ADAMTS17: variants seen among roughly 807,000 people sequenced by gnomAD.
ADAMTS17 encodes A disintegrin and metalloproteinase with thrombospondin motifs 17.
A neutral mutation model predicts 141.5 loss-of-function variants in ADAMTS17; 113 were observed. The ratio of observed to expected loss-of-function variants is 0.80; its 90% CI spans 0.69 to 0.93. The LOEUF (loss-of-function observed/expected upper bound fraction) is 0.93, where lower values mean the gene tolerates loss of function less well. Among genes scored for constraint, ADAMTS17 ranks in the 40% least tolerant of loss-of-function variants. The probability of loss-of-function intolerance (pLI) is 0.00; values close to 1 mark genes in which losing one functional copy is unlikely to be tolerated. For missense variants in ADAMTS17, 1,659 were observed against 1,517.9 expected (o/e 1.09, Z -1.54); for synonymous variants, 768 against 630.6 (o/e 1.22, Z -3.27).
chr15:100,308,914 G>C (rs1403611726), intron 3 of ADAMTS17, among the ~76,000 whole-genome samples: 1 of 152,224 alleles, frequency 6.6e-6, no homozygotes, highest in Non-Finnish European at 1.5e-5. Context: ...CCCTGTTCCT[G>C]TTTCTTCCCA....
At chr15:100,266,217 G>A (rs1224463940) in intron 4 of ADAMTS17, among the ~76,000 whole-genome samples, 2 of 152,158 alleles carry the variant, frequency 1.3e-5, no homozygotes, top group African/African-American at 4.8e-5. Context: ...AGCACCACCT[G>A]CTTCCGTCTG....
intron 18 of ADAMTS17, among the ~76,000 whole-genome samples, chr15:100,000,241 ACATTTCTCCTAGTT>A (rs1421719714): frequency 2.0e-5 from 3 of 152,212 alleles, no homozygotes; most frequent in Non-Finnish European, 2.9e-5. Flanking sequence ...TAAATTCTAC[ACATTTCTCCTAGTT>A]CATTTCTCCT....
At chr15:100,036,395 G>A (rs2622531) in intron 18 of ADAMTS17, among the ~76,000 whole-genome samples, 24,693 of 152,094 alleles carry the variant, frequency 0.16, 5,668 homozygotes, top group African/African-American at 0.52. Context: ...ACTAAACAAG[G>A]TCCACTGATT....
At chr15:100,306,380 C>A (rs567509419) in intron 3 of ADAMTS17, 58 of 421,312 alleles carry the variant, frequency 1.4e-4, no homozygotes, top group African/African-American at 1.1e-3. Context: ...GCATTGGGAG[C>A]CCTGGTGGCC....
intron 18 of ADAMTS17, among the ~76,000 whole-genome samples, chr15:100,019,856 C>G (rs2061368909): frequency 6.6e-6 from 1 of 152,202 alleles, no homozygotes. Context: ...CATCTCCCTC[C>G]AGCTCACACT....
At chr15:100,030,382 C>A (rs568762185) in intron 18 of ADAMTS17, among the ~76,000 whole-genome samples, 13 of 152,260 alleles carry the variant, frequency 8.5e-5, no homozygotes, top group African/African-American at 3.1e-4. Flanking sequence ...TATTTAAACC[C>A]AAATACAGGT....
chr15:100,258,759 T>C (rs1162477929), intron 6 of ADAMTS17, among the ~76,000 whole-genome samples: 1 of 152,170 alleles, frequency 6.6e-6, no homozygotes, highest in Non-Finnish European at 1.5e-5. Flanking sequence ...TGTAAAAAGT[T>C]TGAGGTATAG....
intron 3 of ADAMTS17, among the ~76,000 whole-genome samples, chr15:100,314,085 G>A (rs1427369072): frequency 6.6e-6 from 1 of 151,624 alleles, no homozygotes; most frequent in South Asian, 2.1e-4. Flanking sequence ...ATGAAGAAAC[G>A]TCAGACAAAA....
At chr15:100,274,448 T>A (rs1460859568) in intron 4 of ADAMTS17, among the ~76,000 whole-genome samples, 1 of 152,194 alleles carries the variant, frequency 6.6e-6, no homozygotes, top group African/African-American at 2.4e-5. Flanking sequence ...AGCTTTTTGA[T>A]TTAAAGTGTC....
chr15:100,336,607 G>T (rs950080029), intron 2 of ADAMTS17, among the ~76,000 whole-genome samples: 2 of 152,120 alleles, frequency 1.3e-5, no homozygotes, highest in African/African-American at 4.8e-5. Flanking sequence ...ACCTTCCTCA[G>T]ACCTGTCTCA....
At chr15:100,239,247 C>T (rs1248998783) in intron 7 of ADAMTS17, among the ~76,000 whole-genome samples, 4 of 152,246 alleles carry the variant, frequency 2.6e-5, no homozygotes, top group Non-Finnish European at 4.4e-5. Flanking sequence ...ACAGCAGCAG[C>T]TCCCGCACAC....
intron 12 of ADAMTS17, among the ~76,000 whole-genome samples, chr15:100,131,248 T>C (rs1282572916): frequency 6.6e-6 from 1 of 151,398 alleles, no homozygotes; most frequent in African/African-American, 2.4e-5. Flanking sequence ...AGGGACAGCA[T>C]TAGGAGAAAT....
At chr15:100,148,986 T>C (rs1176671261) in intron 10 of ADAMTS17, among the ~76,000 whole-genome samples, 8 of 152,042 alleles carry the variant, frequency 5.3e-5, no homozygotes, top group Non-Finnish European at 1.2e-4. Context: ...ATAGAGTAAG[T>C]GCAGGGGAGC....
At position 100,312,083 on chromosome 15, in the gene ADAMTS17, C is replaced by T. The variant is rs1175585195; in HGVS notation, c.616+18806G>A. On this transcript the variant is annotated intron_variant, in intron 3 of 21. Transcript: ENST00000268070. Reference sequence around the variant, plus strand: ...GCTGAGTGAGCTCATGGCCTCCCAACACCCCAAGGATGTCCACATCCTAAT... The same window carrying T: ...GCTGAGTGAGCTCATGGCCTCCCAATACCCCAAGGATGTCCACATCCTAAT... 5.3e-5 allele frequency among the ~76,000 whole-genome samples: 8 copies of T among 152,336 alleles called. No individual in the cohort carries two copies. In the South Asian group the frequency reaches 1.7e-3, roughly 32 times the overall value.
intron 16 of ADAMTS17, among the ~76,000 whole-genome samples, chr15:100,053,474 T>C (rs537262966): frequency 7.7e-4 from 118 of 152,258 alleles, no homozygotes; most frequent in Admixed American, 3.3e-3. Flanking sequence ...CCTGGAGTCA[T>C]AGTTCATTTC....
At position 100,062,189 on chromosome 15, in the gene ADAMTS17, C is replaced by T. The variant is rs144444403; in HGVS notation, c.2138-8135G>A. 1.4e-3 allele frequency among the ~76,000 whole-genome samples: 206 copies of T among 152,296 alleles called. 1 individual carries two copies. The highest frequency in any genetic ancestry group is 4.8e-3 in the African/African-American group (201 of 41,576). ...TGTCCATGCAGGGGAGGTGAAAAACCATGGGGCTGATGAAAATGCACATGG... is the reference window on the plus strand; with the variant it reads ...TGTCCATGCAGGGGAGGTGAAAAACTATGGGGCTGATGAAAATGCACATGG... On this transcript the variant is annotated intron_variant, in intron 15 of 21. Coordinates refer to ENST00000268070, the MANE Select transcript of ADAMTS17 (RefSeq NM_139057.4).
At chr15:100,267,578 G>A (rs2043760856) in intron 4 of ADAMTS17, among the ~76,000 whole-genome samples, 1 of 152,080 alleles carries the variant, frequency 6.6e-6, no homozygotes, top group African/African-American at 2.4e-5. Context: ...TTGGTTACGT[G>A]AGTATATTGC....
At chr15:100,157,220 A>G (rs2039477532) in intron 8 of ADAMTS17, among the ~76,000 whole-genome samples, 1 of 152,206 alleles carries the variant, frequency 6.6e-6, no homozygotes, top group Non-Finnish European at 1.5e-5. Flanking sequence ...TTGGATTACA[A>G]TTCAAAATGA....
chr15:100,231,918 C>A (rs540750183), intron 7 of ADAMTS17, among the ~76,000 whole-genome samples: 1 of 152,316 alleles, frequency 6.6e-6, no homozygotes, highest in South Asian at 2.1e-4. Flanking sequence ...TTAGGCTGAG[C>A]ACAGACATAG....
Sources: allele counts gnomAD v4.1 joint callset (sites outside exome capture counted in the v4.1 genomes callset), GRCh38; gene constraint gnomAD v4.1.1; transcripts MANE v1.5; gene names NCBI Gene and HGNC (gene_info 2026-07-23, HGNC 2026-07-21).